STXBP5L: variants seen among roughly 807,000 people sequenced by gnomAD.
STXBP5L encodes the protein syntaxin-binding protein 5-like.
Under a neutral mutation model 144.5 loss-of-function variants are expected in STXBP5L, and 65 were observed. The ratio of observed to expected loss-of-function variants is 0.45; its 90% confidence interval spans 0.37 to 0.55. The LOEUF (loss-of-function observed/expected upper bound fraction) is 0.55. STXBP5L is among the 20% of genes least tolerant of loss of function. The pLI, the probability that STXBP5L is intolerant of heterozygous loss-of-function variation, is 0.00. For synonymous variants in STXBP5L, 505 were observed against 469.6 expected, an observed-to-expected ratio of 1.08 and a Z score of -0.97; for missense variants, 1,298 against 1,405.5, an observed-to-expected ratio of 0.92 and a Z score of 1.22.
chr3:121,263,960 A>G (rs1047883130), intron 18 of STXBP5L, among the ~76,000 whole-genome samples: 4 of 152,190 alleles, frequency 2.6e-5, no homozygotes, highest in Non-Finnish European at 5.9e-5. Flanking sequence ...AAATACAGAG[A>G]ATATCACAAA....
intron 9 of STXBP5L, among the ~76,000 whole-genome samples, chr3:121,164,788 C>G (rs1255659060): frequency 6.6e-6 from 1 of 152,100 alleles, no homozygotes; most frequent in Non-Finnish European, 1.5e-5. Flanking sequence ...AAGCTAGACA[C>G]AGAAGGAAAA....
At chr3:121,303,164 T>A (rs1375803798) in intron 19 of STXBP5L, among the ~76,000 whole-genome samples, 1 of 151,894 alleles carries the variant, frequency 6.6e-6, no homozygotes, top group Non-Finnish European at 1.5e-5. Flanking sequence ...GAATCTACAA[T>A]GAACTCAAAC....
chr3:120,980,104 A>T (rs1217797954), intron 3 of STXBP5L, among the ~76,000 whole-genome samples: 1 of 152,188 alleles, frequency 6.6e-6, no homozygotes, highest in Non-Finnish European at 1.5e-5. Context: ...ATTTCAATTT[A>T]AAAGTTTTAT....
At chr3:121,074,770 C>T (rs7616466) in intron 5 of STXBP5L, among the ~76,000 whole-genome samples, 32,466 of 152,026 alleles carry the variant, frequency 0.21, 3,692 homozygotes, top group Non-Finnish European at 0.26. Flanking sequence ...TGCCCCCTTA[C>T]GGTGTAAAGG....
At chr3:121,170,323 G>T (rs1306845231) in intron 9 of STXBP5L, among the ~76,000 whole-genome samples, 7 of 152,046 alleles carry the variant, frequency 4.6e-5, no homozygotes, top group African/African-American at 7.2e-5. Context: ...AAAGCTAGCA[G>T]AAGACAAGAA....
intron 20 of STXBP5L, among the ~76,000 whole-genome samples, chr3:121,327,670 C>A (rs2044195568): frequency 6.6e-6 from 1 of 152,114 alleles, no homozygotes; most frequent in Admixed American, 6.5e-5. Flanking sequence ...TATTAAAGTA[C>A]AATTTATGTA....
rs150640102 is a variant in STXBP5L at position 121,407,653 on chromosome 3, G to A, written c.2948+50G>A. ...TGGTAATCACAACAATACCAGCAAG[G>A]TACAATCCTAAAAAATATATGTGTT... On this transcript the variant is annotated intron_variant, in intron 23 of 26. Coordinates refer to ENST00000471454, the MANE Select transcript of STXBP5L (RefSeq NM_001308330.2). The A allele has an allele frequency of 2.3e-4, 366 of 1,605,808 alleles. No individual in the cohort carries two copies. In the African/African-American group the frequency reaches 4.0e-3, roughly 18 times the overall value.
At chr3:121,184,852 C>A (rs1339245884) in intron 9 of STXBP5L, among the ~76,000 whole-genome samples, 1 of 152,196 alleles carries the variant, frequency 6.6e-6, no homozygotes, top group Non-Finnish European at 1.5e-5. Flanking sequence ...GCCTATCGGA[C>A]TAACAGCAGA....
At chr3:121,391,166 C>T (rs1377707906) in intron 22 of STXBP5L, among the ~76,000 whole-genome samples, 1 of 151,898 alleles carries the variant, frequency 6.6e-6, no homozygotes, top group Non-Finnish European at 1.5e-5. Context: ...CCTTTCTTCC[C>T]CTTGATTGAA....
chr3:121,225,254 A>G (rs769607891), intron 11 of STXBP5L, among the ~76,000 whole-genome samples: 23 of 152,008 alleles, frequency 1.5e-4, no homozygotes, highest in Admixed American at 3.9e-4. Context: ...CCTTGAGTAC[A>G]TCCCCAGCTG....
chr3:121,349,695 C>G (rs376922168), intron 20 of STXBP5L, among the ~76,000 whole-genome samples: 1 of 151,998 alleles, frequency 6.6e-6, no homozygotes, highest in African/African-American at 2.4e-5. Flanking sequence ...TGAATTGATC[C>G]CTTTACCATT....
chr3:121,295,133 T>C (rs1250431289), intron 19 of STXBP5L, among the ~76,000 whole-genome samples: 3 of 152,160 alleles, frequency 2.0e-5, no homozygotes, highest in East Asian at 3.9e-4. Flanking sequence ...GAGCATATTT[T>C]TAATTTATGT....
chr3:121,051,292 A>T (rs1198886098), intron 5 of STXBP5L, among the ~76,000 whole-genome samples: 2 of 152,110 alleles, frequency 1.3e-5, no homozygotes, highest in Non-Finnish European at 2.9e-5. Flanking sequence ...ATTTTTTTTC[A>T]GCACCACACC....
chr3:121,035,566 A>G (rs1946690873), intron 3 of STXBP5L, among the ~76,000 whole-genome samples: 1 of 152,078 alleles, frequency 6.6e-6, no homozygotes. Flanking sequence ...CTATTGAGAT[A>G]TGTGTCTATT....
Position 121,413,280 on chromosome 3 carries a change from T to C in STXBP5L, c.3071T>C (p.Ile1024Thr). The C allele has an allele frequency of 6.3e-7, 1 of 1,598,860 alleles. No individual in the cohort carries two copies. The highest frequency in any genetic ancestry group is 1.1e-5 in the South Asian group (1 of 87,946). ...QALYLVSPTE[I>T]QRLTYSQEMC... ...TTATACCTCGTCTCTCCTACTGAAATTCAGCGGTTAACATACAGCCAAGAA... is the reference window on the plus strand; with the variant it reads ...TTATACCTCGTCTCTCCTACTGAAACTCAGCGGTTAACATACAGCCAAGAA... Residue 1024 changes from isoleucine to threonine, a missense_variant, in exon 24 of 27, where the codon ATT becomes ACT. Coordinates refer to ENST00000471454, the MANE Select transcript of STXBP5L (RefSeq NM_001308330.2).
intron 9 of STXBP5L, among the ~76,000 whole-genome samples, chr3:121,189,767 C>T (rs1339468923): frequency 6.6e-6 from 1 of 151,868 alleles, no homozygotes; most frequent in African/African-American, 2.4e-5. Context: ...ATTTGATTCC[C>T]TTTATTACAT....
intron 14 of STXBP5L, among the ~76,000 whole-genome samples, chr3:121,246,883 A>G (rs2049871389): frequency 6.6e-6 from 1 of 152,202 alleles, no homozygotes; most frequent in African/African-American, 2.4e-5. Context: ...AGAAAAAAAG[A>G]ATCTATATAA....
chr3:121,346,555 T>A (rs1238642323), intron 20 of STXBP5L, among the ~76,000 whole-genome samples: 1 of 152,180 alleles, frequency 6.6e-6, no homozygotes, highest in East Asian at 1.9e-4. Context: ...TGAACTAGTT[T>A]ACAGTCCCAC....
At chr3:120,910,986 A>G (rs1164567683) in intron 2 of STXBP5L, among the ~76,000 whole-genome samples, 3 of 152,142 alleles carry the variant, frequency 2.0e-5, no homozygotes, top group Non-Finnish European at 4.4e-5. Flanking sequence ...AGACAAATGT[A>G]AAAGAGTCCT....
Sources: gnomAD v4.1 joint callset for allele counts (sites outside exome capture counted in the v4.1 genomes callset) on GRCh38, gnomAD v4.1.1 for gene constraint, MANE v1.5 for transcripts, NCBI Gene and HGNC (gene_info 2026-07-23, HGNC 2026-07-21) for gene names.